The following RHOU variants were observed in gnomAD, a reference collection of about 807,000 sequenced individuals.
The protein encoded by RHOU is rho-related GTP-binding protein RhoU.
RHOU carries 8 observed loss-of-function variants against 12.6 expected under a neutral mutation model. That is an observed-to-expected ratio of 0.64 (90% CI 0.37 to 1.15). The LOEUF (loss-of-function observed/expected upper bound fraction) is 1.15. RHOU is among the 50% of genes most tolerant of loss of function. RHOU has a pLI of 0.01. For missense variants in RHOU, 258 were observed against 347.0 expected (o/e 0.74, Z 2.04); for synonymous variants, 161 against 147.4 (o/e 1.09, Z -0.67).
At chr1:228,694,352 C>T in the RHOU span, among the ~76,000 whole-genome samples, 2 of 151,972 alleles carry the variant, frequency 1.3e-5, no homozygotes, top group African/African-American at 4.8e-5. Flanking sequence ...ATTCTGGGGT[C>T]CATGTGCAGG....
chr1:228,647,216 G>C, the RHOU span, among the ~76,000 whole-genome samples: 1 of 152,178 alleles, frequency 6.6e-6, no homozygotes, highest in Non-Finnish European at 1.5e-5. Context: ...GTTTTTTCTT[G>C]GATGAATTGC....
At chr1:228,707,142 A>ATATATATATATG in the RHOU span, among the ~76,000 whole-genome samples, 1 of 132,010 alleles carries the variant, frequency 7.6e-6, no homozygotes, top group African/African-American at 2.9e-5. Context: ...ATATATATAT[A>ATATATATATATG]TATGTATATA....
At chr1:228,723,604 A>G in the RHOU span, among the ~76,000 whole-genome samples, 5 of 152,220 alleles carry the variant, frequency 3.3e-5, no homozygotes, top group East Asian at 7.7e-4. Context: ...CTGCATTTGC[A>G]TATCAAAGGT....
the RHOU span, among the ~76,000 whole-genome samples, chr1:228,659,955 C>CAAAAAA: frequency 8.7e-5 from 3 of 34,620 alleles, no homozygotes; most frequent in African/African-American, 1.2e-4. Context: ...CTGGTCTCTA[C>CAAAAAA]AAAAAAAAAA....
At chr1:228,675,190 T>G in the RHOU span, among the ~76,000 whole-genome samples, 20,094 of 152,264 alleles carry the variant, frequency 0.13, 1,733 homozygotes, top group South Asian at 0.22. Flanking sequence ...GAAAAGATCA[T>G]TCTTCCTCAG....
rs1268411965 is a variant in RHOU, at chr1:228,744,798, G to A, written c.*1058G>A. ...ATAGGTCTGTATGGCTGTATTTGCTGTTGATTCAGACTTTCACACCATTAA... is the reference window on the plus strand; with the variant it reads ...ATAGGTCTGTATGGCTGTATTTGCTATTGATTCAGACTTTCACACCATTAA... On this transcript the variant is annotated 3_prime_UTR_variant, in exon 3 of 3. Coordinates refer to ENST00000366691, the MANE Select transcript of RHOU (RefSeq NM_021205.6). The A allele has an allele frequency of 6.6e-6, 1 of 152,162 alleles. No homozygotes were observed. The highest frequency in any genetic ancestry group is 1.5e-5 in the Non-Finnish European group (1 of 68,030). 9.4% of individuals were successfully genotyped at this position (152,162 alleles called of 1,614,324 possible).
At chr1:228,724,557 TCCTC>T in the RHOU span, among the ~76,000 whole-genome samples, 1 of 152,102 alleles carries the variant, frequency 6.6e-6, no homozygotes, top group Non-Finnish European at 1.5e-5. Context: ...GCTCAAGTGA[TCCTC>T]CCACCTCAGC....
chr1:228,687,600 A>G, the RHOU span: 9 of 1,570,544 alleles, frequency 5.7e-6, no homozygotes, highest in Non-Finnish European at 6.9e-6. Flanking sequence ...ACATTTGGAA[A>G]AAAGTGTGAA....
upstream of RHOU, chr1:228,735,322 G>C (rs1413448449): frequency 1.3e-5 from 2 of 152,330 alleles, no homozygotes; most frequent in African/African-American, 4.8e-5. The surrounding 1 kb of genome is among the most constrained non-coding windows in gnomAD (Gnocchi z 8.1). Flanking sequence ...GCGGCGCCTC[G>C]GGCGCGGGTG....
chr1:228,667,129 C>T, the RHOU span, among the ~76,000 whole-genome samples: 2 of 152,178 alleles, frequency 1.3e-5, no homozygotes, highest in African/African-American at 2.4e-5. Flanking sequence ...ATCAGTTCAC[C>T]TGAGAGATAT....
At chr1:228,707,506 C>T in the RHOU span, among the ~76,000 whole-genome samples, 2 of 151,456 alleles carry the variant, frequency 1.3e-5, no homozygotes, top group Non-Finnish European at 1.5e-5. Flanking sequence ...GACCCCTGAC[C>T]CCCGAGCAGC....
At chr1:228,665,893 A>G in the RHOU span, among the ~76,000 whole-genome samples, 3 of 152,216 alleles carry the variant, frequency 2.0e-5, no homozygotes, top group Non-Finnish European at 4.4e-5. Context: ...TCAAAGCATC[A>G]AAAATACAGA....
chr1:228,672,178 T>A, the RHOU span, among the ~76,000 whole-genome samples: 2 of 152,238 alleles, frequency 1.3e-5, no homozygotes, highest in Non-Finnish European at 2.9e-5. Flanking sequence ...CACACATACA[T>A]GTTTTTGAGA....
chr1:228,705,481 C>G, the RHOU span, among the ~76,000 whole-genome samples: 1 of 152,024 alleles, frequency 6.6e-6, no homozygotes. Context: ...CTCTCAGATC[C>G]CCTTGATTGA....
chr1:228,737,722 T>C lies in RHOU; in HGVS notation c.312T>C (p.Thr104=). The C allele has an allele frequency of 6.2e-7, 1 of 1,614,162 alleles. No individual in the cohort carries two copies. Among genetic ancestry groups the C allele is most frequent in the Admixed American group, 1.7e-5 (1 of 60,018 alleles). The stretch of plus-strand genomic sequence containing the variant: ...CCGTGAGACTCCAACTCTGTGACAC[T>C]GCCGGACAGGTCAGTATCACGTTAC... ...GRPVRLQLCD[T]AGQDEFDKLR... is the part of the protein sequence containing the mutation. The change falls in exon 2 of 3, where the codon ACT becomes ACC. Residue 104 remains threonine, a synonymous_variant. Coordinates refer to ENST00000366691, the MANE Select transcript of RHOU (RefSeq NM_021205.6). The surrounding 1 kb of genome is among the most constrained non-coding windows in gnomAD (Gnocchi z 4.1).
the RHOU span, among the ~76,000 whole-genome samples, chr1:228,661,570 A>C: frequency 2.0e-3 from 298 of 152,326 alleles, 1 homozygote; most frequent in Non-Finnish European, 3.8e-3. Context: ...CAAAAACAAT[A>C]ACTGGGAAAA....
the RHOU span, among the ~76,000 whole-genome samples, chr1:228,694,407 G>A: frequency 6.6e-6 from 1 of 152,100 alleles, no homozygotes; most frequent in South Asian, 2.1e-4. Context: ...ATGGTGGTTT[G>A]CTGCACAGGT....
the RHOU span, among the ~76,000 whole-genome samples, chr1:228,708,634 G>A: frequency 6.6e-6 from 1 of 151,864 alleles, no homozygotes; most frequent in Non-Finnish European, 1.5e-5. Flanking sequence ...CACCAGGCCT[G>A]CCCTAAAAGA....
At chr1:228,659,117 G>A in the RHOU span, among the ~76,000 whole-genome samples, 1 of 152,112 alleles carries the variant, frequency 6.6e-6, no homozygotes, top group East Asian at 1.9e-4. Flanking sequence ...CATGGCTCAC[G>A]CCTGTAATCC....
Sources: allele counts gnomAD v4.1 joint callset (sites outside exome capture counted in the v4.1 genomes callset), GRCh38; gene constraint gnomAD v4.1.1; non-coding constraint Gnocchi (gnomAD v3.1); transcripts MANE v1.5; gene names NCBI Gene and HGNC (gene_info 2026-07-23, HGNC 2026-07-21).